PPP1R12B: variants seen among roughly 807,000 people sequenced by gnomAD.
PPP1R12B encodes myosin phosphatase target subunit 2.
Under a neutral mutation model 126.1 loss-of-function variants are expected in PPP1R12B, and 76 were observed. That is an observed-to-expected ratio of 0.60 (90% CI 0.50 to 0.73). PPP1R12B has a LOEUF of 0.73. Among genes scored for constraint, PPP1R12B ranks in the 30% least tolerant of loss-of-function variants. The pLI is 0.00. For synonymous variants in PPP1R12B, 356 were observed against 434.7 expected (o/e 0.82, Z 2.25); for missense variants, 1,052 against 1,205.1 (o/e 0.87, Z 1.88).
chr1:202,539,348 G>C (rs1684871843), intron 18 of PPP1R12B, among the ~76,000 whole-genome samples: 1 of 152,114 alleles, frequency 6.6e-6, no homozygotes. Flanking sequence ...AGTTGAAAGT[G>C]AATCTTTGCC....
intron 18 of PPP1R12B, among the ~76,000 whole-genome samples, chr1:202,540,992 C>G (rs1403603958): frequency 6.6e-6 from 1 of 152,166 alleles, no homozygotes; most frequent in African/African-American, 2.4e-5. Context: ...TGGGCATTTG[C>G]ATCTGATTTA....
At chr1:202,560,296 A>T (rs1335542312) in intron 19 of PPP1R12B, among the ~76,000 whole-genome samples, 1 of 152,212 alleles carries the variant, frequency 6.6e-6, no homozygotes, top group Non-Finnish European at 1.5e-5. Flanking sequence ...GGGTTCTTGG[A>T]TCTCACGCAA....
intron 18 of PPP1R12B, among the ~76,000 whole-genome samples, chr1:202,503,420 T>A (rs1257461091): frequency 6.6e-6 from 1 of 152,200 alleles, no homozygotes; most frequent in Non-Finnish European, 1.5e-5. Context: ...ATCTAATAGG[T>A]CTGATTGACA....
chr1:202,441,960 G>A (rs1253327535), intron 11 of PPP1R12B, among the ~76,000 whole-genome samples: 7 of 151,850 alleles, frequency 4.6e-5, no homozygotes, highest in Admixed American at 4.6e-4. Flanking sequence ...GGGTTCAAGC[G>A]ATTCTCGTGC....
intron 10 of PPP1R12B, chr1:202,438,622 G>A (rs566081395): frequency 2.7e-4 from 139 of 508,258 alleles, no homozygotes; most frequent in African/African-American, 2.1e-3. Context: ...GCCTGAGCCC[G>A]CCCCGTCCCT....
intron 13 of PPP1R12B, chr1:202,474,061 A>C: frequency 2.1e-6 from 1 of 475,654 alleles, no homozygotes; most frequent in South Asian, 1.5e-5. Flanking sequence ...TGCAGTTGGG[A>C]AAAAGTAGCT....
chr1:202,402,789 A>G (rs1352428457), intron 1 of PPP1R12B, among the ~76,000 whole-genome samples: 1 of 152,186 alleles, frequency 6.6e-6, no homozygotes, highest in Non-Finnish European at 1.5e-5. Flanking sequence ...ATATACAGAC[A>G]TTTGTCAAAA....
chr1:202,540,304 A>G, intron 18 of PPP1R12B: 8 of 1,350,472 alleles, frequency 5.9e-6, no homozygotes, highest in African/African-American at 1.5e-5. Context: ...ATGTGTATAT[A>G]TATAACTTGG....
intron 1 of PPP1R12B, among the ~76,000 whole-genome samples, chr1:202,354,148 A>C (rs1443127663): frequency 1.3e-5 from 2 of 152,082 alleles, no homozygotes; most frequent in East Asian, 3.8e-4. Context: ...AATAAAATTC[A>C]CTCTTTGTAG....
rs141958174 is a variant in PPP1R12B, at chr1:202,426,161, G to A, written c.701+436G>A. Reference sequence around the variant, plus strand: ...GCACAGGATAGCCAAACTTATATGAGGGATTTGGACTCTACTACTCTGTCT... The same window carrying A: ...GCACAGGATAGCCAAACTTATATGAAGGATTTGGACTCTACTACTCTGTCT... On this transcript the variant is annotated intron_variant, in intron 4 of 23. Coordinates refer to ENST00000608999, the MANE Select transcript of PPP1R12B (RefSeq NM_002481.4). Among the ~76,000 whole-genome samples the A allele has an allele frequency of 7.4e-4, 113 of 152,276 alleles. 1 individual carries two copies. The highest frequency in any genetic ancestry group is 2.3e-3 in the Admixed American group (35 of 15,294).
At chr1:202,358,382 A>G (rs1343913118) in intron 1 of PPP1R12B, among the ~76,000 whole-genome samples, 9 of 152,170 alleles carry the variant, frequency 5.9e-5, no homozygotes, top group Admixed American at 1.3e-4. Flanking sequence ...AGGCAATTCA[A>G]TTGAAAAACT....
chr1:202,437,194 T>C (rs1219542120), intron 9 of PPP1R12B, among the ~76,000 whole-genome samples: 3 of 151,996 alleles, frequency 2.0e-5, no homozygotes, highest in African/African-American at 7.3e-5. Flanking sequence ...TAACTGGGCA[T>C]GGTGGTACAT....
Position 202,391,288 on chromosome 1 carries a change from A to T in PPP1R12B, c.292-25499A>T, listed in dbSNP as rs1377327578. 2.6e-5 allele frequency among the ~76,000 whole-genome samples: 4 copies of T among 152,324 alleles called. No individual in the cohort carries two copies. In the South Asian group the frequency reaches 6.2e-4, roughly 24 times the overall value. The stretch of plus-strand genomic sequence containing the variant: ...ATAAGCACCTGAAAAGATATTCAAC[A>T]TCAATTGTCATCAGGGAAATGCAAT... On this transcript the variant is annotated intron_variant, in intron 1 of 23. Transcript: ENST00000608999.
At chr1:202,579,435 A>T (rs2149043957) in intron 23 of PPP1R12B, among the ~76,000 whole-genome samples, 1 of 152,342 alleles carries the variant, frequency 6.6e-6, no homozygotes, top group Middle Eastern at 3.4e-3. Context: ...TGTAGCCTGC[A>T]TAGTGGCGAT....
At chr1:202,457,357 C>T (rs1334046206) in intron 13 of PPP1R12B, among the ~76,000 whole-genome samples, 3 of 151,940 alleles carry the variant, frequency 2.0e-5, no homozygotes, top group African/African-American at 7.3e-5. Flanking sequence ...CAAGACCAGC[C>T]TGACCAACAT....
At chr1:202,546,344 C>A (rs182631494) in intron 18 of PPP1R12B, among the ~76,000 whole-genome samples, 1 of 152,268 alleles carries the variant, frequency 6.6e-6, no homozygotes, top group Admixed American at 6.5e-5. Context: ...GGGGCTCACA[C>A]CTGTAATTCC....
At chr1:202,456,098 G>A (rs1673593560) in intron 13 of PPP1R12B, among the ~76,000 whole-genome samples, 2 of 151,702 alleles carry the variant, frequency 1.3e-5, no homozygotes, top group Admixed American at 6.6e-5. Context: ...GTGAAATCCC[G>A]TCTCTAATAA....
At chr1:202,547,892 A>G (rs1169808938) in intron 18 of PPP1R12B, among the ~76,000 whole-genome samples, 1 of 152,258 alleles carries the variant, frequency 6.6e-6, no homozygotes, top group East Asian at 1.9e-4. Context: ...CCAAAAGACC[A>G]AAGAGGGACA....
At position 202,581,876 on chromosome 1, in the gene PPP1R12B, C is replaced by A. The variant is rs1689566047; in HGVS notation, c.*1316C>A. On this transcript the variant is annotated 3_prime_UTR_variant, in exon 24 of 24. Transcript: ENST00000608999. Reference sequence around the variant, plus strand: ...TTTAATGGAATGAAGTACTTTCAACCCATTGATGAGAGTCATGGAAGTTTA... The same window carrying A: ...TTTAATGGAATGAAGTACTTTCAACACATTGATGAGAGTCATGGAAGTTTA... 6.6e-6 allele frequency: 1 copy of A among 152,076 alleles called. No individual in the cohort carries two copies. Among genetic ancestry groups the A allele is most frequent in the Non-Finnish European group, 1.5e-5 (1 of 68,012 alleles). The allele number at this position is 152,076 out of a possible 1,614,324, so 9.4% of individuals were successfully genotyped here.
Sources: allele counts gnomAD v4.1 joint callset (sites outside exome capture counted in the v4.1 genomes callset), GRCh38; gene constraint gnomAD v4.1.1; transcripts MANE v1.5; gene names NCBI Gene and HGNC (gene_info 2026-07-23, HGNC 2026-07-21).